Variants in LRMDA observed in about 807,000 individuals in gnomAD.
LRMDA encodes the protein leucine rich melanocyte differentiation associated, also known as leucine-rich melanocyte differentiation-associated protein.
Under a neutral mutation model 29.8 loss-of-function variants are expected in LRMDA, and 18 were observed. The ratio of observed to expected loss-of-function variants is 0.60; its 90% confidence interval spans 0.42 to 0.90. LRMDA has a LOEUF of 0.90. Ranked by LOEUF, LRMDA falls within the 40% of genes least tolerant of loss-of-function variation. LRMDA has a pLI of 0.00. For synonymous variants in LRMDA, 125 were observed against 109.4 expected, an observed-to-expected ratio of 1.14 and a Z score of -0.89; for missense variants, 273 against 273.9, an observed-to-expected ratio of 1.00 and a Z score of 0.02.
At chr10:76,349,652 A>G (rs1384504015) in intron 6 of LRMDA, among the ~76,000 whole-genome samples, 2 of 152,120 alleles carry the variant, frequency 1.3e-5, no homozygotes, top group African/African-American at 4.8e-5. Flanking sequence ...ACAACAAAAT[A>G]CATTTTGTAC....
At chr10:76,028,590 T>C (rs1225781851) in intron 2 of LRMDA, among the ~76,000 whole-genome samples, 1 of 152,064 alleles carries the variant, frequency 6.6e-6, no homozygotes, top group Non-Finnish European at 1.5e-5. Context: ...ATAAATGTGA[T>C]AAACATCTCC....
chr10:76,511,160 G>A (rs376048294), intron 6 of LRMDA, among the ~76,000 whole-genome samples: 2 of 152,110 alleles, frequency 1.3e-5, no homozygotes, highest in African/African-American at 4.8e-5. Context: ...AAGAGTGTAT[G>A]GAAACATTTA....
At chr10:76,100,560 G>A (rs955526863) in intron 5 of LRMDA, among the ~76,000 whole-genome samples, 13 of 152,118 alleles carry the variant, frequency 8.5e-5, no homozygotes, top group African/African-American at 3.1e-4. Flanking sequence ...TTATGGGTGG[G>A]TCTTGCTCAT....
At chr10:76,007,091 T>C (rs972049075) in intron 2 of LRMDA, among the ~76,000 whole-genome samples, 1 of 151,968 alleles carries the variant, frequency 6.6e-6, no homozygotes, top group Non-Finnish European at 1.5e-5. Context: ...TGCAGTCTTC[T>C]GTAGCCGATG....
chr10:75,533,080 G>A (rs1178333259), intron 2 of LRMDA, among the ~76,000 whole-genome samples: 1 of 152,112 alleles, frequency 6.6e-6, no homozygotes, highest in Non-Finnish European at 1.5e-5. Context: ...GAAAAGAAAG[G>A]TACTAGGCTG....
chr10:75,810,417 G>A (rs548943749), intron 2 of LRMDA, among the ~76,000 whole-genome samples: 175 of 152,344 alleles, frequency 1.1e-3, no homozygotes, highest in African/African-American at 4.1e-3. Context: ...AGTGGTGCCA[G>A]TGGAGGGAGA....
chr10:76,386,208 T>A (rs1242991117), intron 6 of LRMDA, among the ~76,000 whole-genome samples: 1 of 152,244 alleles, frequency 6.6e-6, no homozygotes, highest in African/African-American at 2.4e-5. Flanking sequence ...ACAAAGTCTA[T>A]ATATTTTATA....
chr10:75,879,389 A>G (rs532443735), intron 2 of LRMDA, among the ~76,000 whole-genome samples: 1 of 152,020 alleles, frequency 6.6e-6, no homozygotes, highest in East Asian at 1.9e-4. Flanking sequence ...TAGAGTAGAC[A>G]CTCTTTAATT....
At chr10:75,618,380 C>CTA (rs1471312612) in intron 2 of LRMDA, among the ~76,000 whole-genome samples, 639 of 55,224 alleles carry the variant, frequency 0.012, 2 homozygotes, top group African/African-American at 0.033. Flanking sequence ...CTCTCTCTCT[C>CTA]TCTATATATA....
intron 2 of LRMDA, among the ~76,000 whole-genome samples, chr10:75,719,836 A>G (rs766318100): frequency 6.6e-6 from 1 of 152,202 alleles, no homozygotes; most frequent in South Asian, 2.1e-4. Flanking sequence ...TGGAAGGCCT[A>G]CTTTCCCAAT....
chr10:76,241,480 G>A (rs1332148359), intron 5 of LRMDA, among the ~76,000 whole-genome samples: 1 of 152,106 alleles, frequency 6.6e-6, no homozygotes, highest in Non-Finnish European at 1.5e-5. Flanking sequence ...CTGGAATTCT[G>A]CCATGAAGGA....
At chr10:75,827,835 T>C (rs531987654) in intron 2 of LRMDA, among the ~76,000 whole-genome samples, 1 of 152,352 alleles carries the variant, frequency 6.6e-6, no homozygotes, top group East Asian at 1.9e-4. Flanking sequence ...TGGCTTCATA[T>C]GAGGTCTGAA....
intron 6 of LRMDA, among the ~76,000 whole-genome samples, chr10:76,341,932 G>A (rs189452469): frequency 3.7e-4 from 56 of 152,216 alleles, no homozygotes; most frequent in Admixed American, 1.8e-3. Context: ...TGTTCATTAC[G>A]GTAGTTACAA....
At chr10:75,447,618 G>A (rs532067124) in intron 2 of LRMDA, among the ~76,000 whole-genome samples, 1 of 152,258 alleles carries the variant, frequency 6.6e-6, no homozygotes, top group East Asian at 1.9e-4. Context: ...TGTCAAAACA[G>A]TCTGACTAGC....
At chr10:76,426,907 G>T (rs1238588257) in intron 6 of LRMDA, among the ~76,000 whole-genome samples, 1 of 152,106 alleles carries the variant, frequency 6.6e-6, no homozygotes, top group Non-Finnish European at 1.5e-5. Flanking sequence ...AAAGATCAGA[G>T]AGTTGTAGAT....
intron 6 of LRMDA, among the ~76,000 whole-genome samples, chr10:76,523,107 A>AT (rs10532136): frequency 6.7e-4 from 98 of 147,284 alleles, no homozygotes; most frequent in South Asian, 2.8e-3. Flanking sequence ...CTGACCATTG[A>AT]TTTTTTTTTT....
chr10:76,260,430 A>G (rs1223647810), intron 5 of LRMDA, among the ~76,000 whole-genome samples: 1 of 152,094 alleles, frequency 6.6e-6, no homozygotes, highest in Non-Finnish European at 1.5e-5. Context: ...ATTTCTTCTT[A>G]ATTTCTAAAG....
At chr10:75,764,928 CGTGTGTGT>C (rs57422251) in intron 2 of LRMDA, among the ~76,000 whole-genome samples, 35 of 142,850 alleles carry the variant, frequency 2.5e-4, no homozygotes, top group Middle Eastern at 3.5e-3. Flanking sequence ...GCAAGAGACA[CGTGTGTGT>C]GTGTGTGTGT....
chr10:76,477,932 C>G (rs1183188015), intron 6 of LRMDA, among the ~76,000 whole-genome samples: 4 of 152,022 alleles, frequency 2.6e-5, no homozygotes, highest in Non-Finnish European at 5.9e-5. Flanking sequence ...AATGTTAGAC[C>G]TAAAACCATA....
Sources: allele counts gnomAD v4.1 joint callset (sites outside exome capture counted in the v4.1 genomes callset), GRCh38; gene constraint gnomAD v4.1.1; transcripts MANE v1.5; gene names NCBI Gene and HGNC (gene_info 2026-07-23, HGNC 2026-07-21).